Variants in LRP1B observed in about 807,000 individuals in gnomAD.
LRP1B encodes the protein LDL receptor related protein 1B.
Under a neutral mutation model 556.6 loss-of-function variants are expected in LRP1B, and 217 were observed. That is an observed-to-expected ratio of 0.39 (90% CI 0.35 to 0.44). LRP1B has a LOEUF of 0.44. Ranked by LOEUF, LRP1B falls within the 20% of genes least tolerant of loss-of-function variation. The pLI is 1.00. For missense variants in LRP1B, 5,053 were observed against 5,620.8 expected (o/e 0.90, Z 3.23); for synonymous variants, 2,047 against 1,865.8 (o/e 1.10, Z -2.50).
intron 1 of LRP1B, among the ~76,000 whole-genome samples, chr2:141,870,724 A>T (rs1179955703): frequency 6.6e-6 from 1 of 151,896 alleles, no homozygotes; most frequent in Non-Finnish European, 1.5e-5. Context: ...ATAGGATGGG[A>T]TATGTCACTC....
chr2:141,486,689 C>T (rs1179452346), intron 2 of LRP1B, among the ~76,000 whole-genome samples: 1 of 152,018 alleles, frequency 6.6e-6, no homozygotes, highest in Non-Finnish European at 1.5e-5. Context: ...CATCTATTTT[C>T]CCAATATTTC....
chr2:140,822,891 C>T (rs1691374928), intron 31 of LRP1B, among the ~76,000 whole-genome samples: 1 of 152,180 alleles, frequency 6.6e-6, no homozygotes, highest in African/African-American at 2.4e-5. Context: ...TTCGACAAGA[C>T]TCAGTTTCTG....
intron 41 of LRP1B, among the ~76,000 whole-genome samples, chr2:140,650,997 T>G (rs1283260676): frequency 6.6e-6 from 1 of 152,126 alleles, no homozygotes; most frequent in African/African-American, 2.4e-5. Flanking sequence ...AGTTTCCAAA[T>G]AGTAAATCCA....
chr2:141,469,754 T>C (rs566154109), intron 3 of LRP1B, among the ~76,000 whole-genome samples: 1 of 152,352 alleles, frequency 6.6e-6, no homozygotes, highest in East Asian at 1.9e-4. Flanking sequence ...TCTCAAGTCT[T>C]CTAAATATTT....
At position 140,813,802 on chromosome 2, in the gene LRP1B, T is replaced by C. The variant is rs1337316934; in HGVS notation, c.5214A>G (p.Leu1738=). The C allele has an allele frequency of 1.2e-6, 2 of 1,601,888 alleles. No individual in the cohort carries two copies. The highest frequency in any genetic ancestry group is 1.7e-4 in the Middle Eastern group (1 of 6,018). ...LFQNQKEPVG[L]SIDYVENKLY... is the part of the protein sequence containing the mutation. The stretch of plus-strand genomic sequence containing the variant: ...GCTTGTTTTCCACATAGTCTATCGA[T>C]AGACCTGTAATTAAATTTTACAACT... Residue 1738 remains leucine, a synonymous_variant, in exon 32 of 91, where the codon CTA becomes CTG. Transcript: ENST00000389484.
intron 2 of LRP1B, among the ~76,000 whole-genome samples, chr2:141,499,752 T>C (rs903138270): frequency 2.6e-5 from 4 of 152,106 alleles, no homozygotes; most frequent in Non-Finnish European, 5.9e-5. Context: ...TAACAAAGAA[T>C]AATGTAAAGT....
rs1160798795 is a variant in LRP1B at position 140,336,483 on chromosome 2, T to G, written c.11893-645A>C. Among the ~76,000 whole-genome samples the G allele has an allele frequency of 1.3e-5, 2 of 151,856 alleles. 1 individual carries two copies. The highest frequency in any genetic ancestry group is 4.1e-4 in the South Asian group (2 of 4,832). On this transcript the variant is annotated intron_variant, in intron 77 of 90. Transcript: ENST00000389484. Reference sequence around the variant, plus strand: ...TCAAGTTTATGCACACTTAGCTTGATAGGATGCTGCTAGAAAAAATTTTCA... The same window carrying G: ...TCAAGTTTATGCACACTTAGCTTGAGAGGATGCTGCTAGAAAAAATTTTCA...
At chr2:140,550,692 G>A (rs1010805062) in intron 43 of LRP1B, among the ~76,000 whole-genome samples, 1 of 152,072 alleles carries the variant, frequency 6.6e-6, no homozygotes, top group Admixed American at 6.6e-5. Flanking sequence ...AATCTGAAAC[G>A]ACTGCTAATA....
intron 56 of LRP1B, 31 bp downstream of exon 56, chr2:140,495,534 G>C (rs747812221): frequency 6.4e-7 from 1 of 1,554,212 alleles, no homozygotes; most frequent in Admixed American, 1.7e-5. Flanking sequence ...TATAACTGAG[G>C]TTGGATCAGT....
intron 7 of LRP1B, among the ~76,000 whole-genome samples, chr2:141,108,334 CTTTTTTTTTTTTTTTTT>C (rs60275697): frequency 2.3e-5 from 2 of 88,514 alleles, no homozygotes; most frequent in Admixed American, 1.4e-4. Context: ...TAATCTGTTT[CTTTTTTTTTTTTTTTTT>C]TTTTTTTTTT....
intron 18 of LRP1B, among the ~76,000 whole-genome samples, chr2:140,964,608 C>T (rs1219774319): frequency 1.5e-5 from 2 of 136,878 alleles, no homozygotes; most frequent in African/African-American, 5.4e-5. Flanking sequence ...TCTATGTCCC[C>T]TCAGCTCCTA....
At chr2:140,625,937 G>A (rs1320849111) in intron 41 of LRP1B, among the ~76,000 whole-genome samples, 1 of 152,146 alleles carries the variant, frequency 6.6e-6, no homozygotes, top group African/African-American at 2.4e-5. Context: ...GTTTATGGCA[G>A]CTTTATTCGC....
intron 18 of LRP1B, among the ~76,000 whole-genome samples, chr2:140,968,210 C>T (rs1257103474): frequency 6.6e-6 from 1 of 151,628 alleles, no homozygotes; most frequent in Non-Finnish European, 1.5e-5. Flanking sequence ...ATTTCAGAGC[C>T]TGTTATTGGT....
intron 45 of LRP1B, among the ~76,000 whole-genome samples, chr2:140,537,283 T>C (rs1679951406): frequency 6.7e-6 from 1 of 150,314 alleles, no homozygotes; most frequent in African/African-American, 2.4e-5. Context: ...CTGTACATAC[T>C]GAAAGTGTTT....
Position 140,536,641 on chromosome 2 carries a change from G to A in LRP1B, c.7582C>T (p.Leu2528Phe), listed in dbSNP as rs746883586. 1 of 1,611,398 alleles carries A rather than the reference G, an allele frequency of 6.2e-7. No homozygotes were observed. The highest frequency in any genetic ancestry group is 8.5e-7 in the Non-Finnish European group (1 of 1,178,688). ...CAGTGAGGAATGCCATCACAGGTGA[G>A]CTGGTAGTCAATGCACTCACCATTT... ...CGNGECIDYQ[L>F]TCDGIPHCKD... The change falls in exon 46 of 91, where the codon CTC (leucine) becomes TTC (phenylalanine). Residue 2528 changes from leucine to phenylalanine, a missense_variant. Physicochemically the swap from Leu to Phe is conservative, Grantham distance 22. Coordinates refer to ENST00000389484, the MANE Select transcript of LRP1B (RefSeq NM_018557.3).
intron 29 of LRP1B, among the ~76,000 whole-genome samples, chr2:140,846,909 T>G (rs949148607): frequency 2.0e-5 from 3 of 152,216 alleles, no homozygotes; most frequent in African/African-American, 7.2e-5. Flanking sequence ...TTTCTGCTAA[T>G]GGAAAGATAT....
chr2:140,427,659 G>A lies in LRP1B; in HGVS notation c.10414+14845C>T, dbSNP rs148444185. Among the ~76,000 whole-genome samples, 115 of 152,158 alleles carry A rather than the reference G, an allele frequency of 7.6e-4. No homozygotes were observed. The East Asian group carries it at 0.02, about 27-fold the overall frequency. Reference sequence around the variant, plus strand: ...TATCCAGGCATTCTTTTACACATCGGTCCATCCCTGGTCTCTGTTCCCAAT... The same window carrying A: ...TATCCAGGCATTCTTTTACACATCGATCCATCCCTGGTCTCTGTTCCCAAT... On this transcript the variant is annotated intron_variant, in intron 66 of 90. Transcript: ENST00000389484.
At chr2:141,600,919 T>C (rs1559168341) in intron 2 of LRP1B, among the ~76,000 whole-genome samples, 1 of 152,174 alleles carries the variant, frequency 6.6e-6, no homozygotes, top group Non-Finnish European at 1.5e-5. Context: ...TGGCATCTCC[T>C]GATTAGGGTT....
chr2:141,423,314 TTTA>T (rs1242859172), intron 3 of LRP1B, among the ~76,000 whole-genome samples: 14,123 of 79,634 alleles, frequency 0.18, 1,091 homozygotes, highest in South Asian at 0.33. Flanking sequence ...TTTTTTTTTT[TTTA>T]AGGGCAAATA....
Sources: allele counts gnomAD v4.1 joint callset (sites outside exome capture counted in the v4.1 genomes callset), GRCh38; gene constraint gnomAD v4.1.1; transcripts MANE v1.5; gene names NCBI Gene and HGNC (gene_info 2026-07-23, HGNC 2026-07-21).